The following GRAP2 variants were observed in gnomAD, a reference collection of about 807,000 sequenced individuals.
The protein encoded by GRAP2 is GRB2 related adaptor protein 2.
In GRAP2, 31 loss-of-function variants were observed where a neutral mutation model predicts 43.5. The observed-to-expected ratio is 0.71, with a 90% CI of 0.54 to 0.96. The LOEUF (loss-of-function observed/expected upper bound fraction) is 0.96, where lower values mean the gene tolerates loss of function less well. Among genes scored for constraint, GRAP2 ranks in the 40% least tolerant of loss-of-function variants. The probability of loss-of-function intolerance (pLI) is 0.00; values close to 1 mark genes in which losing one functional copy is unlikely to be tolerated. For missense variants in GRAP2, 371 were observed against 424.4 expected, an observed-to-expected ratio of 0.87 and a Z score of 1.11; for synonymous variants, 156 against 164.8, an observed-to-expected ratio of 0.95 and a Z score of 0.41.
Position 39,973,103 on chromosome 22 carries a change from T to C in GRAP2, c.*2019T>C, listed in dbSNP as rs2067262152. On this transcript the variant is annotated 3_prime_UTR_variant, in exon 8 of 8. Transcript: ENST00000344138. ...CAAAGGCAGAGAAGACCTCCTCAGC[T>C]ATTTTGGTGCTAGGTAATGTGAAAT... 1 of 152,480 alleles carries C rather than the reference T, an allele frequency of 6.6e-6. No individual in the cohort carries two copies. Among genetic ancestry groups the C allele is most frequent in the African/African-American group, 2.4e-5 (1 of 41,452 alleles). 9.4% of individuals were successfully genotyped at this position (152,480 alleles called of 1,614,324 possible).
intron 1 of GRAP2, among the ~76,000 whole-genome samples, chr22:39,938,387 C>T (rs528087413): frequency 1.3e-5 from 2 of 152,264 alleles, no homozygotes; most frequent in African/African-American, 2.4e-5. Context: ...TGAAAAATAC[C>T]GTATTTATTT....
chr22:39,940,141 G>A (rs767619561), intron 1 of GRAP2, among the ~76,000 whole-genome samples: 12 of 152,148 alleles, frequency 7.9e-5, no homozygotes, highest in Non-Finnish European at 1.6e-4. Context: ...TATTTTAAAG[G>A]CTCCGGAAGA....
chr22:39,954,784 C>G (rs1357072150), intron 2 of GRAP2, among the ~76,000 whole-genome samples: 3 of 152,208 alleles, frequency 2.0e-5, no homozygotes, highest in African/African-American at 4.8e-5. Flanking sequence ...AAGCCACATA[C>G]AGTCAAGTCT....
chr22:39,956,567 A>T (rs541996328), intron 3 of GRAP2, among the ~76,000 whole-genome samples: 1 of 149,536 alleles, frequency 6.7e-6, no homozygotes, highest in African/African-American at 2.5e-5. Context: ...ATCTCGGCTC[A>T]TTGCAATTCT....
rs368460378 is a variant in GRAP2, at chr22:39,968,197, G to C, written c.615G>C (p.Pro205=). 1.2e-6 allele frequency: 2 copies of C among 1,609,652 alleles called. No individual in the cohort carries two copies. Among genetic ancestry groups the C allele is most frequent in the South Asian group, 2.2e-5 (2 of 90,844 alleles). The stretch of plus-strand genomic sequence containing the variant: ...AGCACCAGCACCAGCCACAGCCTCC[G>C]CAATATGCCCCAGCGCCCCAGCAGC... The part of the protein sequence containing the change: ...LQQHQHQPQP[P]QYAPAPQQLQ... Residue 205 remains proline (P), a synonymous_variant, in exon 6 of 8, where the codon CCG becomes CCC. Transcript: ENST00000344138.
chr22:39,945,522 T>G (rs1410881872), intron 1 of GRAP2, among the ~76,000 whole-genome samples: 6 of 152,350 alleles, frequency 3.9e-5, no homozygotes, highest in African/African-American at 1.4e-4. Context: ...TGGTCCCAGT[T>G]GACTGGTCGC....
At chr22:39,961,381 T>C (rs1194819509) in intron 4 of GRAP2, among the ~76,000 whole-genome samples, 3 of 152,150 alleles carry the variant, frequency 2.0e-5, no homozygotes, top group Non-Finnish European at 4.4e-5. Context: ...CTCCTTTGGT[T>C]CGAAGCACTC....
At position 39,960,075 on chromosome 22, in the gene GRAP2, C is replaced by G. The variant is rs748105252; in HGVS notation, c.191C>G (p.Ser64Cys). 2 of 1,613,416 alleles carry G rather than the reference C, an allele frequency of 1.2e-6. No homozygotes were observed. Among genetic ancestry groups the G allele is most frequent in the Non-Finnish European group, 1.7e-6 (2 of 1,179,328 alleles). ...QFPKWFHEGL[S>C]RHQAENLLMG... ...CACAGATGGTTTCACGAAGGCCTCT[C>G]TCGACACCAGGCAGAGAACTTACTC... Residue 64 changes from serine to cysteine, a missense_variant, in exon 4 of 8, where the codon TCT (serine) becomes TGT (cysteine). Coordinates refer to ENST00000344138, the MANE Select transcript of GRAP2 (RefSeq NM_004810.4).
At chr22:39,953,024 T>A (rs1337079957) in intron 2 of GRAP2, among the ~76,000 whole-genome samples, 2 of 152,150 alleles carry the variant, frequency 1.3e-5, no homozygotes, top group Non-Finnish European at 2.9e-5. Flanking sequence ...ACTGTCCCCT[T>A]CCTTCCACCT....
upstream of GRAP2, among the ~76,000 whole-genome samples, chr22:39,899,078 G>A (rs1245277254): frequency 6.6e-6 from 1 of 152,092 alleles, no homozygotes; most frequent in Non-Finnish European, 1.5e-5. Context: ...CTTTGCACTC[G>A]TTCAGTTACA....
intron 1 of GRAP2, among the ~76,000 whole-genome samples, chr22:39,942,821 G>T (rs373257583): frequency 2.6e-5 from 4 of 152,216 alleles, no homozygotes; most frequent in African/African-American, 9.6e-5. Context: ...TAATTTTGTT[G>T]CTGATGTCCT....
chr22:39,931,748 G>A (rs543876502), intron 1 of GRAP2, among the ~76,000 whole-genome samples: 7 of 152,302 alleles, frequency 4.6e-5, no homozygotes, highest in Admixed American at 4.6e-4. Flanking sequence ...ATGTAAGAGA[G>A]TTTAGAAGAT....
chr22:39,921,935 ACTT>A (rs199977634), intron 1 of GRAP2, among the ~76,000 whole-genome samples: 1,581 of 152,128 alleles, frequency 0.01, 25 homozygotes, highest in African/African-American at 0.036. Flanking sequence ...CCTCCCCAAA[ACTT>A]CTTATTCTTA....
chr22:39,960,500 C>T, intron 4 of GRAP2: 1 of 245,886 alleles, frequency 4.1e-6, no homozygotes, highest in Non-Finnish European at 8.0e-6. Flanking sequence ...AAGAGAGACA[C>T]TCAGTGAGTA....
upstream of GRAP2, chr22:39,901,060 C>T (rs2066489426): frequency 8.8e-6 from 3 of 342,646 alleles, no homozygotes; most frequent in Non-Finnish European, 1.7e-5. Flanking sequence ...CCCATATGTG[C>T]TAGTTCCTGT....
chr22:39,939,994 G>T (rs2066849535), intron 1 of GRAP2, among the ~76,000 whole-genome samples: 1 of 152,100 alleles, frequency 6.6e-6, no homozygotes, highest in Admixed American at 6.6e-5. Context: ...CACTGGTGGG[G>T]GGCCCAGGAA....
At chr22:39,895,495 A>G in the GRAP2 span, among the ~76,000 whole-genome samples, 1 of 152,152 alleles carries the variant, frequency 6.6e-6, no homozygotes, top group South Asian at 2.1e-4. Flanking sequence ...CTTGAATGCT[A>G]TGTTGAGGTA....
chr22:39,906,976 T>C (rs1202797000), intron 1 of GRAP2, among the ~76,000 whole-genome samples: 1 of 152,178 alleles, frequency 6.6e-6, no homozygotes, highest in Non-Finnish European at 1.5e-5. Context: ...ATTTTATAGG[T>C]CACACAGTTT....
At chr22:39,897,515 C>CTTTTT (rs368180670), upstream of GRAP2, among the ~76,000 whole-genome samples, 1 of 127,648 alleles carries the variant, frequency 7.8e-6, no homozygotes, top group Admixed American at 7.8e-5. Context: ...AAAGTAGCCT[C>CTTTTT]TTTTTTTTTT....
Sources: gnomAD v4.1 joint callset for allele counts (sites outside exome capture counted in the v4.1 genomes callset) on GRCh38, gnomAD v4.1.1 for gene constraint, MANE v1.5 for transcripts, NCBI Gene and HGNC (gene_info 2026-07-23, HGNC 2026-07-21) for gene names.